Variants in ASIC2 observed in about 807,000 individuals in gnomAD.
ASIC2 encodes acid-sensing ion channel 2.
A neutral mutation model predicts 57.3 loss-of-function variants in ASIC2; 25 were observed. That is an observed-to-expected ratio of 0.44 (90% CI 0.32 to 0.61). ASIC2 has a LOEUF of 0.61. ASIC2 is among the 20% of genes least tolerant of loss of function. The probability of loss-of-function intolerance (pLI) is 0.06; values close to 1 mark genes in which losing one functional copy is unlikely to be tolerated. For synonymous variants in ASIC2, 319 were observed against 307.5 expected (o/e 1.04, Z -0.39); for missense variants, 641 against 738.1 (o/e 0.87, Z 1.52).
chr17:33,620,875 C>T lies in ASIC2; in HGVS notation c.556-508808G>A, dbSNP rs533392918. On this transcript the variant is annotated intron_variant, in intron 1 of 9. Coordinates refer to the ASIC2 transcript ENST00000359872. Reference sequence around the variant, plus strand: ...ATTCCAGGGCCTCCCAGACCATGCACCCCCAGCCCCCACAGCCTCTCCAGC... The same window carrying T: ...ATTCCAGGGCCTCCCAGACCATGCATCCCCAGCCCCCACAGCCTCTCCAGC... 2.0e-5 allele frequency among the ~76,000 whole-genome samples: 3 copies of T among 152,142 alleles called. No homozygotes were observed. The South Asian group carries it at 6.2e-4, about 32-fold the overall frequency.
chr17:34,037,875 C>G, intron 1 of ASIC2: 2 of 1,613,910 alleles, frequency 1.2e-6, no homozygotes, highest in Non-Finnish European at 1.7e-6. Context: ...TGTAGGATGT[C>G]TTGCTGAGAC....
intron 1 of ASIC2, among the ~76,000 whole-genome samples, chr17:33,695,888 CTTA>C (rs1303544483): frequency 6.6e-6 from 1 of 152,162 alleles, no homozygotes; most frequent in Non-Finnish European, 1.5e-5. Context: ...TACTAATTTA[CTTA>C]TTATGTTTTG....
At chr17:33,827,475 G>A (rs1457232583) in intron 1 of ASIC2, among the ~76,000 whole-genome samples, 1 of 149,848 alleles carries the variant, frequency 6.7e-6, no homozygotes, top group Non-Finnish European at 1.5e-5. Context: ...GGGACTACAG[G>A]CGCCCGCCAC....
intron 1 of ASIC2, among the ~76,000 whole-genome samples, chr17:34,040,050 G>A (rs1379490976): frequency 2.7e-5 from 4 of 148,040 alleles, no homozygotes; most frequent in Non-Finnish European, 4.5e-5. Context: ...CTCCACGAGA[G>A]GGCGGGCGGG....
At chr17:33,780,743 G>T (rs1597873315) in intron 1 of ASIC2, among the ~76,000 whole-genome samples, 1 of 152,290 alleles carries the variant, frequency 6.6e-6, no homozygotes, top group East Asian at 1.9e-4. Flanking sequence ...CTGCTCCCAG[G>T]CAGTGGAGGA....
At chr17:34,101,570 T>C (rs1910865509) in intron 1 of ASIC2, among the ~76,000 whole-genome samples, 1 of 152,202 alleles carries the variant, frequency 6.6e-6, no homozygotes, top group African/African-American at 2.4e-5. Flanking sequence ...TAATATATTT[T>C]ATTTAAAAGA....
Position 33,499,317 on chromosome 17 carries a change from C to T in ASIC2, c.556-387250G>A, listed in dbSNP as rs559623968. ...ACCTAAAAGTTTATATGTTGCAGTG[C>T]TAACTCCCTGTCTGTCAGTGTGACT... On this transcript the variant is annotated intron_variant, in intron 1 of 9. Transcript: ENST00000359872. Among the ~76,000 whole-genome samples, 12 of 152,336 alleles carry T rather than the reference C, an allele frequency of 7.9e-5. 1 individual carries two copies. The South Asian group carries it at 2.1e-3, about 26-fold the overall frequency.
chr17:33,372,572 C>T (rs1449694559), intron 1 of ASIC2, among the ~76,000 whole-genome samples: 1 of 152,156 alleles, frequency 6.6e-6, no homozygotes, highest in African/African-American at 2.4e-5. Flanking sequence ...CTGCTGGGAC[C>T]TCATTTGGAC....
chr17:33,045,691 A>T (rs1258621872), intron 3 of ASIC2, among the ~76,000 whole-genome samples: 1 of 152,052 alleles, frequency 6.6e-6, no homozygotes, highest in Non-Finnish European at 1.5e-5. Flanking sequence ...CTCAAGACAT[A>T]GTACTGAGAG....
At chr17:33,658,491 G>C (rs1054910620) in intron 1 of ASIC2, among the ~76,000 whole-genome samples, 1 of 152,188 alleles carries the variant, frequency 6.6e-6, no homozygotes, top group Non-Finnish European at 1.5e-5. Context: ...CTCATACTGG[G>C]TAGTTTGTAA....
chr17:33,782,885 C>T (rs190618481), intron 1 of ASIC2, among the ~76,000 whole-genome samples: 7 of 152,312 alleles, frequency 4.6e-5, no homozygotes, highest in South Asian at 2.1e-4. Context: ...TCCTCCTCTC[C>T]GTCCCACTTG....
intron 1 of ASIC2, among the ~76,000 whole-genome samples, chr17:34,110,024 T>C (rs1384369245): frequency 6.6e-6 from 1 of 152,092 alleles, no homozygotes; most frequent in African/African-American, 2.4e-5. Context: ...ATTTCTAAAA[T>C]TCGTATTTTG....
At chr17:33,531,355 G>C (rs371931886) in intron 1 of ASIC2, among the ~76,000 whole-genome samples, 11 of 152,126 alleles carry the variant, frequency 7.2e-5, no homozygotes, top group African/African-American at 2.7e-4. Context: ...GCCTTTATCT[G>C]TACCGACCTG....
At chr17:33,975,012 G>T (rs186786894) in intron 1 of ASIC2, among the ~76,000 whole-genome samples, 69 of 152,254 alleles carry the variant, frequency 4.5e-4, no homozygotes, top group Admixed American at 1.1e-3. Flanking sequence ...TAGAATGTAA[G>T]TTCCCTGAGG....
At chr17:33,981,104 T>A (rs954901864) in intron 1 of ASIC2, among the ~76,000 whole-genome samples, 1 of 151,748 alleles carries the variant, frequency 6.6e-6, no homozygotes, top group East Asian at 1.9e-4. Flanking sequence ...CCTGGCTAAT[T>A]TTTTTTCTTT....
intron 7 of ASIC2, among the ~76,000 whole-genome samples, chr17:33,019,300 G>T (rs1350770313): frequency 6.6e-6 from 1 of 152,086 alleles, no homozygotes; most frequent in East Asian, 1.9e-4. Context: ...GTCTAAGTGT[G>T]TGTGAGTGTG....
At chr17:33,070,608 T>G (rs140596080) in intron 3 of ASIC2, among the ~76,000 whole-genome samples, 2,540 of 152,248 alleles carry the variant, frequency 0.017, 63 homozygotes, top group Middle Eastern at 0.061. Flanking sequence ...AGTGCTGGGA[T>G]TACAGGTGTG....
chr17:34,082,253 TAG>T (rs1269691973), intron 1 of ASIC2: 2 of 152,220 alleles, frequency 1.3e-5, no homozygotes, highest in African/African-American at 2.4e-5. Context: ...ATGAGAACAC[TAG>T]AGTCATGGAA....
chr17:33,355,923 GA>G (rs1357711861), intron 1 of ASIC2, among the ~76,000 whole-genome samples: 12 of 152,188 alleles, frequency 7.9e-5, no homozygotes, highest in Admixed American at 7.9e-4. Flanking sequence ...ATGATCAGGG[GA>G]AAAGGGATCC....
Sources: gnomAD v4.1 joint callset for allele counts (sites outside exome capture counted in the v4.1 genomes callset) on GRCh38, gnomAD v4.1.1 for gene constraint, MANE v1.5 for transcripts, NCBI Gene and HGNC (gene_info 2026-07-23, HGNC 2026-07-21) for gene names.